Variants in P2RY14 observed in about 807,000 individuals in gnomAD.
The protein encoded by P2RY14 is purinergic receptor P2Y14.
A neutral mutation model predicts 0.9 loss-of-function variants in P2RY14; 2 were observed. The observed-to-expected ratio is 2.16, with a 90% confidence interval of 0.88 to 6.79. The LOEUF (loss-of-function observed/expected upper bound fraction) is 6.79. Among genes scored for constraint, P2RY14 ranks in the 30% most tolerant of loss-of-function variants. The pLI, the probability that P2RY14 is intolerant of heterozygous loss-of-function variation, is 0.05. For missense variants in P2RY14, 378 were observed against 400.1 expected, an observed-to-expected ratio of 0.94 and a Z score of 0.47; for synonymous variants, 158 against 147.2, an observed-to-expected ratio of 1.07 and a Z score of -0.53.
At chr3:151,220,780 G>T (rs1319378616) in intron 1 of P2RY14, among the ~76,000 whole-genome samples, 2 of 152,128 alleles carry the variant, frequency 1.3e-5, no homozygotes, top group African/African-American at 2.4e-5. Flanking sequence ...CCTGTTTCTG[G>T]TACATTTTTA....
At chr3:151,230,225 C>T (rs978974473) in intron 1 of P2RY14, among the ~76,000 whole-genome samples, 4 of 152,224 alleles carry the variant, frequency 2.6e-5, no homozygotes, top group Non-Finnish European at 5.9e-5. Flanking sequence ...CCGCAAGTCT[C>T]GGCCTCCTAA....
chr3:151,272,589 C>G (rs976432994), intron 1 of P2RY14, among the ~76,000 whole-genome samples: 5 of 152,278 alleles, frequency 3.3e-5, no homozygotes, highest in African/African-American at 1.2e-4. Context: ...TTACAAAGTG[C>G]ATACTCGGGA....
chr3:151,268,185 A>C (rs548873201), intron 1 of P2RY14, among the ~76,000 whole-genome samples: 1 of 152,262 alleles, frequency 6.6e-6, no homozygotes, highest in Admixed American at 6.5e-5. Context: ...TAAATCCTAT[A>C]AAATAATGCC....
At position 151,252,781 on chromosome 3, in the gene P2RY14, T is replaced by C. The variant is rs1046611555; in HGVS notation, c.-133+25506A>G. On this transcript the variant is annotated intron_variant, in intron 1 of 2. Transcript: ENST00000309170. The stretch of plus-strand genomic sequence containing the variant: ...ATATGTAATCTACTAACTTATCTAC[T>C]AACTAGATAAGTTCTAGAACTTATC... Among the ~76,000 whole-genome samples the C allele has an allele frequency of 1.1e-4, 16 of 152,308 alleles. No homozygotes were observed. The South Asian group carries it at 1.9e-3, about 18-fold the overall frequency.
chr3:151,213,244 T>C lies in P2RY14; in HGVS notation c.*56A>G, dbSNP rs573077588. The C allele has an allele frequency of 1.8e-5, 23 of 1,303,434 alleles. No individual in the cohort carries two copies. In the Admixed American group the frequency reaches 1.8e-4, roughly 10 times the overall value. 80.7% of individuals were successfully genotyped at this position (1,303,434 alleles called of 1,614,324 possible). A position where few individuals can be genotyped will look rare whatever the true frequency, so the allele number is the denominator to read the frequency against. ...GCACATATCTTATTGATTTCTGTTA[T>C]GTAATTGAAGATGACAACATGCACA... On this transcript the variant is annotated 3_prime_UTR_variant, in exon 3 of 3. Transcript: ENST00000309170.
At chr3:151,257,844 C>T (rs147935761) in intron 1 of P2RY14, among the ~76,000 whole-genome samples, 1 of 152,292 alleles carries the variant, frequency 6.6e-6, no homozygotes, top group Non-Finnish European at 1.5e-5. Flanking sequence ...ATGAGAGTCA[C>T]ACAAATTTTT....
At chr3:151,219,934 C>A in intron 1 of P2RY14, among the ~76,000 whole-genome samples, 1 of 121,674 alleles carries the variant, frequency 8.2e-6, no homozygotes, top group Non-Finnish European at 1.6e-5. Flanking sequence ...ATCAATTTAT[C>A]AAATGACTGA....
In P2RY14 at chr3:151,213,583, C is replaced by T. The variant is rs1272608960; in HGVS notation, c.734G>A (p.Cys245Tyr). The change falls in exon 3 of 3, where the codon TGT (cysteine) becomes TAT (tyrosine). Residue 245 changes from cysteine (C) to tyrosine (Y), a missense_variant. By Grantham distance (194) the Cys-to-Tyr change is radical. Coordinates refer to ENST00000309170, the MANE Select transcript of P2RY14 (RefSeq NM_014879.4). ...IFSIVFVFFV[C>Y]FVPYHIARIP... ...TCTGGCAATATGGTAAGGTACAAAA[C>T]AGACAAAAAACACAAACACGATGCT... The T allele has an allele frequency of 1.2e-6, 2 of 1,614,008 alleles. No homozygotes were observed. Among genetic ancestry groups the T allele is most frequent in the Non-Finnish European group, 1.7e-6 (2 of 1,180,026 alleles).
At chr3:151,221,720 G>T (rs570704180) in intron 1 of P2RY14, among the ~76,000 whole-genome samples, 1 of 152,230 alleles carries the variant, frequency 6.6e-6, no homozygotes, top group Non-Finnish European at 1.5e-5. Context: ...GAAATGCCTG[G>T]ATGTCCAGGC....
chr3:151,218,083 T>C (rs1728591276), intron 2 of P2RY14, among the ~76,000 whole-genome samples: 1 of 152,228 alleles, frequency 6.6e-6, no homozygotes, highest in South Asian at 2.1e-4. Flanking sequence ...GATGATTTAA[T>C]GTCCTCATAC....
At chr3:151,265,029 A>G (rs1739569444) in intron 1 of P2RY14, among the ~76,000 whole-genome samples, 2 of 152,100 alleles carry the variant, frequency 1.3e-5, no homozygotes, top group East Asian at 3.9e-4. Context: ...TCTCATCTTC[A>G]TGATGATTTC....
At chr3:151,242,112 C>G (rs1388992606) in intron 1 of P2RY14, among the ~76,000 whole-genome samples, 2 of 152,218 alleles carry the variant, frequency 1.3e-5, no homozygotes, top group African/African-American at 4.8e-5. Context: ...GCACCTGGCT[C>G]GGAGGGTCCT....
rs62283017 is a variant in P2RY14, at chr3:151,278,483, C to T, written c.-329G>A. On this transcript the variant is annotated 5_prime_UTR_variant, in exon 1 of 3. Transcript: ENST00000309170. ...AGATAGAATTTATTGAAGACTGGGA[C>T]GTGGAAACAAAGAGGAAGGAAGAGA... is the stretch of plus-strand genomic sequence containing the variant. 14 of 152,008 alleles carry T rather than the reference C, an allele frequency of 9.2e-5. No homozygotes were observed. In the South Asian group the frequency reaches 1.0e-3, roughly 11 times the overall value. 9.4% of individuals were successfully genotyped at this position (152,008 alleles called of 1,614,324 possible). A position where few individuals can be genotyped will look rare whatever the true frequency, so the allele number is the denominator to read the frequency against.
intron 1 of P2RY14, among the ~76,000 whole-genome samples, chr3:151,225,257 A>G (rs955209755): frequency 2.0e-5 from 3 of 152,096 alleles, no homozygotes; most frequent in Non-Finnish European, 2.9e-5. Context: ...TTTCTCAGAA[A>G]TCCTTCTTCT....
chr3:151,254,577 C>T (rs562247138), intron 1 of P2RY14, among the ~76,000 whole-genome samples: 1 of 152,308 alleles, frequency 6.6e-6, no homozygotes, highest in Admixed American at 6.5e-5. Flanking sequence ...CTTATTTAAT[C>T]TAGTTCTTAG....
chr3:151,229,718 G>A (rs1731255726), intron 1 of P2RY14, among the ~76,000 whole-genome samples: 2 of 152,052 alleles, frequency 1.3e-5, no homozygotes, highest in Non-Finnish European at 2.9e-5. Flanking sequence ...GCCTGCCTCG[G>A]CCTCCCAAAG....
chr3:151,247,633 GATAGCATTGGGAGATGTACCTA>G (rs1278216901), intron 1 of P2RY14, among the ~76,000 whole-genome samples: 1 of 125,500 alleles, frequency 8.0e-6, no homozygotes, highest in African/African-American at 2.9e-5. Flanking sequence ...AGGGGGGAGG[GATAGCATTGGGAGATGTACCTA>G]ATGCTAGATG....
intron 1 of P2RY14, among the ~76,000 whole-genome samples, chr3:151,277,536 C>T (rs932462981): frequency 6.6e-6 from 1 of 151,878 alleles, no homozygotes; most frequent in South Asian, 2.1e-4. Flanking sequence ...GATTGATTGT[C>T]CTTGGTTAAC....
intron 1 of P2RY14, among the ~76,000 whole-genome samples, chr3:151,268,589 A>AT (rs997679567): frequency 6.6e-6 from 1 of 152,156 alleles, no homozygotes; most frequent in African/African-American, 2.4e-5. Flanking sequence ...TTTGTTTCAA[A>AT]TTTTGTCTAA....
Sources: allele counts gnomAD v4.1 joint callset (sites outside exome capture counted in the v4.1 genomes callset), GRCh38; gene constraint gnomAD v4.1.1; transcripts MANE v1.5; gene names NCBI Gene and HGNC (gene_info 2026-07-23, HGNC 2026-07-21).